The following L3HYPDH variants were observed in gnomAD, a reference collection of about 807,000 sequenced individuals.
L3HYPDH encodes the protein trans-3-hydroxy-L-proline dehydratase.
L3HYPDH carries 32 observed loss-of-function variants against 26.5 expected under a neutral mutation model. The ratio of observed to expected loss-of-function variants is 1.21; its 90% CI spans 0.91 to 1.62. The LOEUF is 1.62. L3HYPDH is among the 40% of genes most tolerant of loss of function. The probability of loss-of-function intolerance (pLI) is 0.00; values close to 1 mark genes in which losing one functional copy is unlikely to be tolerated. For synonymous variants in L3HYPDH, 215 were observed against 196.6 expected (o/e 1.09, Z -0.78); for missense variants, 554 against 476.4 (o/e 1.16, Z -1.52).
Position 59,472,871 on chromosome 14 carries a change from T to C in L3HYPDH, c.*94A>G, listed in dbSNP as rs1889362108. 8 of 1,110,656 alleles carry C rather than the reference T, an allele frequency of 7.2e-6. No homozygotes were observed. Among genetic ancestry groups the C allele is most frequent in the African/African-American group, 3.3e-5 (2 of 60,304 alleles). 68.8% of individuals were successfully genotyped at this position (1,110,656 alleles called of 1,614,324 possible). On this transcript the variant is annotated 3_prime_UTR_variant, in exon 5 of 5. Coordinates refer to ENST00000247194, the MANE Select transcript of L3HYPDH (RefSeq NM_144581.2). ...TACAAAGAATGAGAGTTAGTTTATA[T>C]GTATAATTTATTTGTTTTCATATAA...
chr14:59,503,253 GTAAC>G, the L3HYPDH span, among the ~76,000 whole-genome samples: 1 of 152,176 alleles, frequency 6.6e-6, no homozygotes, highest in Non-Finnish European at 1.5e-5. Context: ...GAGAAAGTTA[GTAAC>G]TAACCTGTTG....
chr14:59,489,850 G>T, the L3HYPDH span, among the ~76,000 whole-genome samples: 1 of 151,776 alleles, frequency 6.6e-6, no homozygotes, highest in Admixed American at 6.6e-5. Flanking sequence ...AGGCAAAGGG[G>T]AACCACATGG....
At chr14:59,467,839 AAG>A (rs1321813829), downstream of L3HYPDH, among the ~76,000 whole-genome samples, 2 of 152,006 alleles carry the variant, frequency 1.3e-5, no homozygotes, top group African/African-American at 2.4e-5. Flanking sequence ...CCAAAAACTT[AAG>A]AGTTTTCCTT....
chr14:59,476,278 C>G (rs1889625997), intron 2 of L3HYPDH, 64 bp from the exon 3 acceptor site: 2 of 1,218,262 alleles, frequency 1.6e-6, no homozygotes, highest in Non-Finnish European at 2.3e-6. Flanking sequence ...ATAAATAATG[C>G]AGATGGGTCA....
intron 2 of L3HYPDH, chr14:59,478,717 C>G (rs1247542599): frequency 6.5e-6 from 1 of 152,946 alleles, no homozygotes; most frequent in Admixed American, 6.5e-5. Context: ...ATTTTGCAGA[C>G]AGGAAAACTG....
chr14:59,472,142 A>T (rs933158408), downstream of L3HYPDH, among the ~76,000 whole-genome samples: 1 of 152,212 alleles, frequency 6.6e-6, no homozygotes, highest in Non-Finnish European at 1.5e-5. Context: ...TGCTTCAGCT[A>T]TTTTTAACAG....
chr14:59,473,237 T>C (rs943028786), intron 4 of L3HYPDH, 147 bp from the exon 5 acceptor site: 1 of 603,978 alleles, frequency 1.7e-6, no homozygotes, highest in African/African-American at 1.9e-5. Context: ...GAGAATGACA[T>C]GGTCAGACTT....
At chr14:59,470,965 G>T (rs1232776956), downstream of L3HYPDH, among the ~76,000 whole-genome samples, 1 of 127,198 alleles carries the variant, frequency 7.9e-6, no homozygotes, top group Non-Finnish European at 1.7e-5. Context: ...CGGGGGGGGG[G>T]GGAGGGCAGG....
At position 59,483,625 on chromosome 14, in the gene L3HYPDH, G is replaced by T. The variant is rs371136912; in HGVS notation, c.508+184C>A. 5.2e-5 allele frequency: 75 copies of T among 1,433,934 alleles called. No homozygotes were observed. The Middle Eastern group carries it at 1.8e-3, about 35-fold the overall frequency. 88.8% of individuals were successfully genotyped at this position (1,433,934 alleles called of 1,614,324 possible). A position where few individuals can be genotyped will look rare whatever the true frequency, so the allele number is the denominator to read the frequency against. ...AGGCGGATGGGAGTCAGGGAAAATC[G>T]AAATTACACGCACCAAATACGCAAG... On this transcript the variant is annotated intron_variant, in intron 1 of 4. Transcript: ENST00000247194.
chr14:59,465,891 A>G (rs1037652871), intron 1 of L3HYPDH, among the ~76,000 whole-genome samples: 4 of 152,182 alleles, frequency 2.6e-5, no homozygotes, highest in Admixed American at 2.0e-4. Context: ...AGCGTTTCGA[A>G]TATGTCTGGG....
At chr14:59,488,907 G>C (rs1046888953), upstream of L3HYPDH, among the ~76,000 whole-genome samples, 3 of 152,234 alleles carry the variant, frequency 2.0e-5, no homozygotes, top group Non-Finnish European at 2.9e-5. Flanking sequence ...AACAAAGAGT[G>C]CCCAATTAAA....
At position 59,475,906 on chromosome 14, in the gene L3HYPDH, C is replaced by T. The variant is rs779261976; in HGVS notation, c.902G>A (p.Ser301Asn). The part of the protein sequence containing the change: ...ELNQMRAFKS[S>N]ATGSVFTGKA... ...CCCTGTGAATACTGAGCCAGTTGCA[C>T]TGCTTTTGAAGGCTCTCATCTGGTT... The change falls in exon 4 of 5, where the codon AGT becomes AAT. Residue 301 changes from serine (S) to asparagine (N), a missense_variant. Ser to Asn is a conservative substitution (Grantham distance 46). Coordinates refer to ENST00000247194, the MANE Select transcript of L3HYPDH (RefSeq NM_144581.2). 2.5e-6 allele frequency: 4 copies of T among 1,613,526 alleles called. No individual in the cohort carries two copies. The highest frequency in any genetic ancestry group is 3.4e-6 in the Non-Finnish European group (4 of 1,179,880).
downstream of L3HYPDH, among the ~76,000 whole-genome samples, chr14:59,472,232 G>GAT (rs1889332035): frequency 6.6e-6 from 1 of 152,220 alleles, no homozygotes; most frequent in Non-Finnish European, 1.5e-5. Context: ...GCATGCAGCT[G>GAT]ATAGAGTATG....
chr14:59,484,516 T>A, upstream of L3HYPDH: 1 of 1,540,612 alleles, frequency 6.5e-7, no homozygotes, highest in South Asian at 1.2e-5. Flanking sequence ...CCGAGCTCGC[T>A]GTGGCCCGGA....
chr14:59,466,152 C>T (rs896465176), intron 1 of L3HYPDH, among the ~76,000 whole-genome samples: 1 of 152,210 alleles, frequency 6.6e-6, no homozygotes, highest in Non-Finnish European at 1.5e-5. Flanking sequence ...CAGGCCCCTA[C>T]TGGCTGATAA....
At chr14:59,475,232 T>C (rs988162194) in intron 4 of L3HYPDH, 3 of 152,158 alleles carry the variant, frequency 2.0e-5, no homozygotes, top group Admixed American at 6.5e-5. Context: ...CAAATCCTAA[T>C]GGTTCTCAAA....
chr14:59,500,938 C>G, the L3HYPDH span: 1 of 397,474 alleles, frequency 2.5e-6, no homozygotes, highest in Non-Finnish European at 4.5e-6. Flanking sequence ...TATGTATTCT[C>G]TATGGCTGCT....
At chr14:59,502,754 T>TTGTTTTTTTTTTTTTGTTTTTG in the L3HYPDH span, among the ~76,000 whole-genome samples, 4 of 29,818 alleles carry the variant, frequency 1.3e-4, 1 homozygote, top group Non-Finnish European at 1.8e-4. Flanking sequence ...AATGAGATTT[T>TTGTTTTTTTTTTTTTGTTTTTG]TTTTTTTTTT....
At chr14:59,490,454 G>A in the L3HYPDH span, among the ~76,000 whole-genome samples, 9 of 152,328 alleles carry the variant, frequency 5.9e-5, no homozygotes, top group South Asian at 1.2e-3. Context: ...AAGGTCTGGT[G>A]TATGGAAGTG....
Sources: allele counts gnomAD v4.1 joint callset (sites outside exome capture counted in the v4.1 genomes callset), GRCh38; gene constraint gnomAD v4.1.1; transcripts MANE v1.5; gene names NCBI Gene and HGNC (gene_info 2026-07-23, HGNC 2026-07-21).